Variants in INTS13 observed in about 807,000 individuals in gnomAD.
INTS13 encodes asunder, spermatogenesis regulator homolog (Drosphila).
In INTS13, 35 loss-of-function variants were observed where a neutral mutation model predicts 90.2. The observed-to-expected ratio is 0.39, with a 90% CI of 0.30 to 0.51. The LOEUF is 0.51. INTS13 is among the 20% of genes least tolerant of loss of function. The pLI is 0.80. For missense variants in INTS13, 601 were observed against 851.2 expected, an observed-to-expected ratio of 0.71 and a Z score of 3.66; for synonymous variants, 309 against 277.1, an observed-to-expected ratio of 1.11 and a Z score of -1.14.
Position 26,931,140 on chromosome 12 carries a change from A to T in INTS13, c.301-2235T>A, listed in dbSNP as rs77634351. Among the ~76,000 whole-genome samples the T allele has an allele frequency of 5.3e-3, 759 of 143,396 alleles. 6 individuals are homozygous for T. Among genetic ancestry groups the T allele is most frequent in the African/African-American group, 0.018 (663 of 37,412 alleles). 94.1% of individuals were successfully genotyped at this position (143,396 alleles called of 152,430 possible). A position where few individuals can be genotyped will look rare whatever the true frequency, so the allele number is the denominator to read the frequency against. ...GAGAACAATAAAATAAAATTAAATTAAAAAAAAAAACAGAAAAAGAAGCCG... is the reference window on the plus strand; with the variant it reads ...GAGAACAATAAAATAAAATTAAATTTAAAAAAAAAACAGAAAAAGAAGCCG... On this transcript the variant is annotated intron_variant, in intron 3 of 16. Transcript: ENST00000261191.
intron 3 of INTS13, among the ~76,000 whole-genome samples, chr12:26,930,633 G>A (rs1938137069): frequency 6.6e-6 from 1 of 152,164 alleles, no homozygotes; most frequent in African/African-American, 2.4e-5. Flanking sequence ...AAATTTAAAA[G>A]CAATGAATGG....
At chr12:26,908,422 A>T (rs1951675595) in intron 15 of INTS13, among the ~76,000 whole-genome samples, 1 of 152,236 alleles carries the variant, frequency 6.6e-6, no homozygotes, top group South Asian at 2.1e-4. Flanking sequence ...ACAAATTTAG[A>T]AAACAATAAA....
In INTS13 at chr12:26,921,614, G is replaced by A. The variant is rs533894216; in HGVS notation, c.889+1002C>T. Among the ~76,000 whole-genome samples the A allele has an allele frequency of 1.8e-4, 28 of 152,266 alleles. No individual in the cohort carries two copies. The Middle Eastern group carries it at 0.037, about 203-fold the overall frequency. On this transcript the variant is annotated intron_variant, in intron 8 of 16. Coordinates refer to ENST00000261191, the MANE Select transcript of INTS13 (RefSeq NM_018164.3). ...AGTAGTCCCCCGACTTTGCTGTGTC[G>A]CTTTCCGTGGTTTCAGTACCTGTGG...
intron 3 of INTS13, among the ~76,000 whole-genome samples, chr12:26,932,476 C>G (rs967627004): frequency 6.6e-6 from 1 of 152,178 alleles, no homozygotes; most frequent in African/African-American, 2.4e-5. Flanking sequence ...CCCTACCCCA[C>G]AAGATACAGA....
Position 26,911,176 on chromosome 12 carries a change from A to G in INTS13, c.1945+2T>C. ...AACCTAGTTACCACAGCTGTACCTT[A>G]CCTTTTGATTTTTCCACTTGTGGAG... is the stretch of plus-strand genomic sequence containing the variant. On this transcript the variant is annotated splice_donor_variant, in intron 15 of 16. Transcript: ENST00000261191. LOFTEE classifies it high-confidence loss of function. The G allele has an allele frequency of 6.2e-7, 1 of 1,612,330 alleles. No homozygotes were observed. Among genetic ancestry groups the G allele is most frequent in the Non-Finnish European group, 8.5e-7 (1 of 1,179,548 alleles).
At chr12:26,934,452 T>C in intron 3 of INTS13, 104 bp downstream of exon 3, 2 of 832,986 alleles carry the variant, frequency 2.4e-6, no homozygotes, top group Admixed American at 4.4e-5. Context: ...ATTTTAACAC[T>C]ATATGCAAAT....
chr12:26,926,750 A>G (rs1381740823), intron 5 of INTS13, among the ~76,000 whole-genome samples: 1 of 152,182 alleles, frequency 6.6e-6, no homozygotes, highest in Non-Finnish European at 1.5e-5. Flanking sequence ...TTCTTGACAC[A>G]TAGCTCTTAA....
chr12:26,909,500 GGAGTCTT>G (rs1951714649), intron 15 of INTS13, among the ~76,000 whole-genome samples: 2 of 133,318 alleles, frequency 1.5e-5, no homozygotes, highest in East Asian at 4.2e-4. Context: ...TTTTAGAGAT[GGAGTCTT>G]ACTCTGTCGC....
Position 26,917,689 on chromosome 12 carries a change from C to G in INTS13, c.934G>C (p.Glu312Gln), listed in dbSNP as rs776332258. The part of the protein sequence containing the change: ...GGGSREGSFK[E>Q]TITLKWCTPR... ...GTACACCACTTTAATGTTATTGTTT[C>G]TTTAAACGAGCCTTCTCGACTGCCG... is the stretch of plus-strand genomic sequence containing the variant. The change falls in exon 9 of 17, where the codon GAA (glutamate) becomes CAA (glutamine). Residue 312 changes from glutamate (E) to glutamine (Q), a missense_variant. Coordinates refer to ENST00000261191, the MANE Select transcript of INTS13 (RefSeq NM_018164.3). 7 of 1,613,892 alleles carry G rather than the reference C, an allele frequency of 4.3e-6. No homozygotes were observed. The highest frequency in any genetic ancestry group is 5.9e-6 in the Non-Finnish European group (7 of 1,179,980).
chr12:26,923,949 AT>A (rs200035585), intron 7 of INTS13, among the ~76,000 whole-genome samples: 1 of 151,332 alleles, frequency 6.6e-6, no homozygotes, highest in Non-Finnish European at 1.5e-5. Flanking sequence ...CAATGACAGC[AT>A]TTTTTTTTAA....
At chr12:26,912,975 C>T (rs183703691) in intron 14 of INTS13, among the ~76,000 whole-genome samples, 3 of 152,228 alleles carry the variant, frequency 2.0e-5, no homozygotes, top group Admixed American at 2.0e-4. Context: ...AAGTGATCCA[C>T]CCGCCTCGGC....
At chr12:26,905,599 T>A in intron 16 of INTS13, 63 bp from the exon 17 acceptor site, 1 of 1,429,032 alleles carries the variant, frequency 7.0e-7, no homozygotes, top group Non-Finnish European at 9.8e-7. Context: ...TGTCTCCTTA[T>A]CTACCTTTCA....
At chr12:26,913,801 T>C (rs1951857987) in intron 13 of INTS13, 114 bp from the exon 14 acceptor site, 4 of 1,158,154 alleles carry the variant, frequency 3.5e-6, no homozygotes, top group African/African-American at 3.1e-5. Context: ...TGGTACTTAA[T>C]AGTGAAATTC....
At chr12:26,919,383 A>G (rs1310191335) in intron 8 of INTS13, among the ~76,000 whole-genome samples, 1 of 152,136 alleles carries the variant, frequency 6.6e-6, no homozygotes, top group Non-Finnish European at 1.5e-5. Flanking sequence ...ACATTTAAAC[A>G]GCTCTGTTGT....
At chr12:26,930,095 A>T (rs1938110445) in intron 3 of INTS13, among the ~76,000 whole-genome samples, 1 of 151,406 alleles carries the variant, frequency 6.6e-6, no homozygotes, top group African/African-American at 2.5e-5. Context: ...AATACTTAGA[A>T]ATAAATTTAA....
intron 16 of INTS13, among the ~76,000 whole-genome samples, chr12:26,905,891 C>G (rs961505774): frequency 6.6e-6 from 1 of 152,056 alleles, no homozygotes; most frequent in Non-Finnish European, 1.5e-5. Context: ...TGTATTTCCA[C>G]CAACAAATTA....
Position 26,905,480 on chromosome 12 carries a change from GTTC to G in INTS13, c.*14_*16del. The G allele has an allele frequency of 6.2e-7, 1 of 1,607,322 alleles. No individual in the cohort carries two copies. The highest frequency in any genetic ancestry group is 8.5e-7 in the Non-Finnish European group (1 of 1,177,170). ...ATATTTTTGCAATATGCTAAATTTA[GTTC>G]TTCAAGTCACTCTTCACTGCCGGCT... On this transcript the variant is annotated 3_prime_UTR_variant, in exon 17 of 17. Coordinates refer to ENST00000261191, the MANE Select transcript of INTS13 (RefSeq NM_018164.3).
chr12:26,913,404 G>T, intron 14 of INTS13, 53 bp downstream of exon 14: 2 of 1,316,660 alleles, frequency 1.5e-6, no homozygotes, highest in South Asian at 1.2e-5. Context: ...GTTCTATGCA[G>T]AATGTGATAT....
chr12:26,911,682 T>A (rs1328535953), intron 14 of INTS13, among the ~76,000 whole-genome samples: 2 of 152,198 alleles, frequency 1.3e-5, no homozygotes, highest in Non-Finnish European at 2.9e-5. Flanking sequence ...AAATTACAAA[T>A]AAGATTAATA....
Sources: gnomAD v4.1 joint callset for allele counts (sites outside exome capture counted in the v4.1 genomes callset) on GRCh38, gnomAD v4.1.1 for gene constraint, MANE v1.5 for transcripts, NCBI Gene and HGNC (gene_info 2026-07-23, HGNC 2026-07-21) for gene names.